The following PDHA1 variants were observed in gnomAD, a reference collection of about 807,000 sequenced individuals.
PDHA1 encodes the protein pyruvate dehydrogenase E1 component subunit alpha, somatic form, mitochondrial.
A neutral mutation model predicts 33.0 loss-of-function variants in PDHA1; 1 was observed. The observed-to-expected ratio is 0.03, with a 90% CI of 0.01 to 0.14. The LOEUF (loss-of-function observed/expected upper bound fraction) is 0.14, where lower values mean the gene tolerates loss of function less well. Among genes scored for constraint, PDHA1 ranks in the 10% least tolerant of loss-of-function variants. PDHA1 has a pLI of 1.00. For synonymous variants in PDHA1, 123 were observed against 119.2 expected, an observed-to-expected ratio of 1.03 and a Z score of -0.21; for missense variants, 168 against 325.1, an observed-to-expected ratio of 0.52 and a Z score of 3.72.
intron 1 of PDHA1, among the ~76,000 whole-genome samples, chrX:19,348,040 A>G (rs748440426): frequency 8.9e-6 from 1 of 112,561 alleles, no homozygotes; most frequent in Non-Finnish European, 1.9e-5. Context: ...AACTCTTCTC[A>G]CCAAGATCAG....
At chrX:19,353,664 C>G (rs757194709) in intron 5 of PDHA1, among the ~76,000 whole-genome samples, 1 of 111,842 alleles carries the variant, frequency 8.9e-6, no homozygotes, top group African/African-American at 3.2e-5. Context: ...TCATATCCTA[C>G]CGTTTGAGAG....
chrX:19,348,427 C>A (rs2063146290), intron 1 of PDHA1, among the ~76,000 whole-genome samples: 1 of 112,422 alleles, frequency 8.9e-6, no homozygotes, highest in Non-Finnish European at 1.9e-5. Flanking sequence ...AAACAGCTGG[C>A]TCAAGCCCAT....
At chrX:19,346,351 C>G (rs1163592488) in intron 1 of PDHA1, among the ~76,000 whole-genome samples, 1 of 112,398 alleles carries the variant, frequency 8.9e-6, no homozygotes, top group Non-Finnish European at 1.9e-5. Context: ...GACAGGGTCT[C>G]TGTGTCACCC....
chrX:19,344,609 G>C (rs1305127105), intron 1 of PDHA1, among the ~76,000 whole-genome samples: 1 of 112,866 alleles, frequency 8.9e-6, no homozygotes, highest in Non-Finnish European at 1.9e-5. Context: ...TAAAATGTTT[G>C]CTCGAAGTGG....
At chrX:19,356,052 C>A (rs1038665384) in intron 8 of PDHA1, among the ~76,000 whole-genome samples, 1 of 111,574 alleles carries the variant, frequency 9.0e-6, no homozygotes, top group Non-Finnish European at 1.9e-5. Context: ...CTCCTCCCCA[C>A]CCCCCATTAA....
intron 2 of PDHA1, 48 bp from the exon 3 acceptor site, chrX:19,349,889 T>C (rs1284538532): frequency 9.5e-7 from 1 of 1,055,214 alleles, no homozygotes; most frequent in Non-Finnish European, 1.3e-6. Flanking sequence ...GTCAACAGTG[T>C]TTGCAATGTA....
chrX:19,351,795 G>GTTTTTTTTTTTTT (rs780357581), intron 4 of PDHA1, among the ~76,000 whole-genome samples: 1 of 74,388 alleles, frequency 1.3e-5, no homozygotes, highest in African/African-American at 6.6e-5. Flanking sequence ...TGTTTTGGTG[G>GTTTTTTTTTTTTT]TTTTTTTTTT....
At position 19,348,615 on chromosome X, in the gene PDHA1, T is replaced by G. The variant is rs771935049; in HGVS notation, c.58-697T>G. 4.4e-5 allele frequency among the ~76,000 whole-genome samples: 5 copies of G among 112,664 alleles called. No homozygotes were observed. The South Asian group carries it at 1.8e-3, about 41-fold the overall frequency. ...TTTTATTTGAAGTATAATTTTGGCT[T>G]GCTCAAAATGAACAGTATCTGGTTA... is the stretch of plus-strand genomic sequence containing the variant. On this transcript the variant is annotated intron_variant, in intron 1 of 10. Coordinates refer to ENST00000422285, the MANE Select transcript of PDHA1 (RefSeq NM_000284.4).
At position 19,360,160 on chromosome X, in the gene PDHA1, C is replaced by CTTAGT. The variant is rs1555936129; in HGVS notation, c.*510_*514dup. 6 of 151,396 alleles carry CTTAGT rather than the reference C, an allele frequency of 4.0e-5. No homozygotes were observed. The highest frequency in any genetic ancestry group is 1.6e-4 in the African/African-American group (5 of 31,784). 12.5% of individuals were successfully genotyped at this position (151,396 alleles called of 1,213,427 possible). ...TGTAATCATTTCAAAGGCCACATAA[C>CTTAGT]TTAGTTTTCTCTACTTACACATTCA... On this transcript the variant is annotated 3_prime_UTR_variant, in exon 11 of 11. Transcript: ENST00000422285.
chrX:19,344,199 C>T lies in PDHA1; in HGVS notation c.57+105C>T, dbSNP rs1000527694. 6.2e-5 allele frequency: 43 copies of T among 689,913 alleles called. No homozygotes were observed. In the African/African-American group the frequency reaches 8.1e-4, roughly 13 times the overall value. 56.9% of individuals were successfully genotyped at this position (689,913 alleles called of 1,213,427 possible). A position where few individuals can be genotyped will look rare whatever the true frequency, so the allele number is the denominator to read the frequency against. Reference sequence around the variant, plus strand: ...CCACCCAGAGCGGGGTGGAAGGCGCCAGGGGAGCCGGGGAGCCTTTACTTC... The same window carrying T: ...CCACCCAGAGCGGGGTGGAAGGCGCTAGGGGAGCCGGGGAGCCTTTACTTC... On this transcript the variant is annotated intron_variant, in intron 1 of 10. Coordinates refer to ENST00000422285, the MANE Select transcript of PDHA1 (RefSeq NM_000284.4).
chrX:19,348,172 C>T (rs1045170974), intron 1 of PDHA1, among the ~76,000 whole-genome samples: 1 of 112,607 alleles, frequency 8.9e-6, no homozygotes, highest in African/African-American at 3.2e-5. Context: ...TATGATAATA[C>T]TACTGGATAA....
Position 19,361,340 on chromosome X carries a change from G to T in PDHA1, c.*1687G>T. The stretch of plus-strand genomic sequence containing the variant: ...TACAAACTGTTTTGAGGCTCTTACC[G>T]TAGTCGAAGGTATCTTAGATCTTCC... On this transcript the variant is annotated 3_prime_UTR_variant, in exon 11 of 11. Coordinates refer to ENST00000422285, the MANE Select transcript of PDHA1 (RefSeq NM_000284.4). The T allele has an allele frequency of 1.7e-6, 2 of 1,194,989 alleles. No individual in the cohort carries two copies. Among genetic ancestry groups the T allele is most frequent in the South Asian group, 1.8e-5 (1 of 56,004 alleles).
chrX:19,360,585 C>T lies in PDHA1; in HGVS notation c.*932C>T, dbSNP rs1289365730. 7.1e-6 allele frequency: 3 copies of T among 423,378 alleles called. No individual in the cohort carries two copies. Among genetic ancestry groups the T allele is most frequent in the Non-Finnish European group, 1.2e-5 (3 of 246,530 alleles). The allele number at this position is 423,378 out of a possible 1,213,427, so 34.9% of individuals were successfully genotyped here. A position where few individuals can be genotyped will look rare whatever the true frequency, so the allele number is the denominator to read the frequency against. On this transcript the variant is annotated 3_prime_UTR_variant, in exon 11 of 11. Transcript: ENST00000422285. ...TTCTATGTTTATAAATAACAGGTTT[C>T]AAAAGAAACTCAGGACAGTATTTAA...
In PDHA1 at chrX:19,360,849, A is replaced by G; in HGVS notation, c.*1196A>G. ...GAGACCACCCCTGGGAAACAAACACAGCTGTCTTCAGAGTCAGTGCTTCAA... is the reference window on the plus strand; with the variant it reads ...GAGACCACCCCTGGGAAACAAACACGGCTGTCTTCAGAGTCAGTGCTTCAA... On this transcript the variant is annotated 3_prime_UTR_variant, in exon 11 of 11. Transcript: ENST00000422285. The G allele has an allele frequency of 2.6e-6, 3 of 1,153,237 alleles. No homozygotes were observed. Among genetic ancestry groups the G allele is most frequent in the Non-Finnish European group, 2.4e-6 (2 of 850,855 alleles).
At position 19,359,005 on chromosome X, in the gene PDHA1, C is replaced by G. The variant is rs2063233462; in HGVS notation, c.989C>G (p.Ala330Gly). The G allele has an allele frequency of 1.0e-5, 12 of 1,169,428 alleles. No individual in the cohort carries two copies. The highest frequency in any genetic ancestry group is 1.4e-5 in the Non-Finnish European group (12 of 857,005). Residue 330 changes from alanine to glycine, a missense_variant, in exon 10 of 11, where the codon GCC (alanine) becomes GGC (glycine). This residue lies in a region of PDHA1 where 58 missense variants were observed against 63.4 expected (regional missense o/e 0.92). Coordinates refer to ENST00000422285, the MANE Select transcript of PDHA1 (RefSeq NM_000284.4). The part of the protein sequence containing the change: ...LKDRMVNSNL[A>G]SVEELKEIDV... ...GACAGGATGGTGAACAGCAATCTTG[C>G]CAGTGTGGAAGAACTAAAGGTACAG... is the stretch of plus-strand genomic sequence containing the variant.
rs2063272525 is a variant in PDHA1, at chrX:19,360,676, G to A, written c.*1023G>A. 5.1e-6 allele frequency: 4 copies of A among 783,806 alleles called. No homozygotes were observed. In the Admixed American group the frequency reaches 7.6e-5, roughly 15 times the overall value. 64.6% of individuals were successfully genotyped at this position (783,806 alleles called of 1,213,427 possible). Reference sequence around the variant, plus strand: ...AATATGTAAACACAGCGGAATTCGTGTATACACTAACAGAAGCTTTAACAA... The same window carrying A: ...AATATGTAAACACAGCGGAATTCGTATATACACTAACAGAAGCTTTAACAA... On this transcript the variant is annotated 3_prime_UTR_variant, in exon 11 of 11. Coordinates refer to ENST00000422285, the MANE Select transcript of PDHA1 (RefSeq NM_000284.4).
Position 19,353,328 on chromosome X carries a change from A to G in PDHA1, c.510+155A>G, listed in dbSNP as rs762370825. On this transcript the variant is annotated intron_variant, in intron 5 of 10. Transcript: ENST00000422285. ...ATGTCGCATATATGATGTTGGACCCATAAGATTATAATGGAGCTGAAAAAT... is the reference window on the plus strand; with the variant it reads ...ATGTCGCATATATGATGTTGGACCCGTAAGATTATAATGGAGCTGAAAAAT... The G allele has an allele frequency of 5.8e-6, 3 of 513,086 alleles. No individual in the cohort carries two copies. In the East Asian group the frequency reaches 1.1e-4, roughly 19 times the overall value. The allele number at this position is 513,086 out of a possible 1,213,427, so 42.3% of individuals were successfully genotyped here.
Position 19,360,860 on chromosome X carries a change from G to C in PDHA1, c.*1207G>C. 1 of 1,110,298 alleles carries C rather than the reference G, an allele frequency of 9.0e-7. No homozygotes were observed. 91.5% of individuals were successfully genotyped at this position (1,110,298 alleles called of 1,213,427 possible). On this transcript the variant is annotated 3_prime_UTR_variant, in exon 11 of 11. Transcript: ENST00000422285. The stretch of plus-strand genomic sequence containing the variant: ...TGGGAAACAAACACAGCTGTCTTCA[G>C]AGTCAGTGCTTCAAGCCAACAGAGC...
chrX:19,353,507 G>C (rs2063176304), intron 5 of PDHA1, among the ~76,000 whole-genome samples: 1 of 112,041 alleles, frequency 8.9e-6, no homozygotes, highest in African/African-American at 3.2e-5. Context: ...TAGGTGTGCA[G>C]TGGGCTGTAC....
Sources: allele counts gnomAD v4.1 joint callset (sites outside exome capture counted in the v4.1 genomes callset), GRCh38; gene constraint gnomAD v4.1.1; regional missense constraint gnomAD v4.1.1; transcripts MANE v1.5; gene names NCBI Gene and HGNC (gene_info 2026-07-23, HGNC 2026-07-21).